The following ARFGEF1 variants were observed in gnomAD, a reference collection of about 807,000 sequenced individuals.
ARFGEF1 encodes ARF guanine nucleotide exchange factor 1, also known as brefeldin A-inhibited guanine nucleotide-exchange protein 1.
In ARFGEF1, 42 loss-of-function variants were observed where a neutral mutation model predicts 231.0. The ratio of observed to expected loss-of-function variants is 0.18; its 90% CI spans 0.14 to 0.24. The LOEUF is 0.24. Among genes scored for constraint, ARFGEF1 ranks in the 10% least tolerant of loss-of-function variants. The pLI is 1.00. For synonymous variants in ARFGEF1, 710 were observed against 732.3 expected, an observed-to-expected ratio of 0.97 and a Z score of 0.49; for missense variants, 1,345 against 2,192.0, an observed-to-expected ratio of 0.61 and a Z score of 7.72.
Position 67,302,714 on chromosome 8 carries a change from G to A in ARFGEF1, c.125-248C>T, listed in dbSNP as rs75999846. ...AAGTTACAGATTATTAATTCCCAAC[G>A]CATTTCCTTTTCTCAAAGCATTTCC... is the stretch of plus-strand genomic sequence containing the variant. On this transcript the variant is annotated intron_variant, in intron 1 of 38. Coordinates refer to ENST00000262215, the MANE Select transcript of ARFGEF1 (RefSeq NM_006421.5). Among the ~76,000 whole-genome samples the A allele has an allele frequency of 2.4e-4, 36 of 152,074 alleles. No individual in the cohort carries two copies. The East Asian group carries it at 3.7e-3, about 15-fold the overall frequency.
Position 67,343,477 on chromosome 8 carries a change from G to C in ARFGEF1, c.-190C>G. 1 of 1,309,194 alleles carries C rather than the reference G, an allele frequency of 7.6e-7. No individual in the cohort carries two copies. Among genetic ancestry groups the C allele is most frequent in the Non-Finnish European group, 9.7e-7 (1 of 1,026,172 alleles). The allele number at this position is 1,309,194 out of a possible 1,614,324, so 81.1% of individuals were successfully genotyped here. A position where few individuals can be genotyped will look rare whatever the true frequency, so the allele number is the denominator to read the frequency against. ...ACCAGCCGCGGTGTCGGCGAAGGGC[G>C]TCGAGGTCCTCGCCGCCCCCAAGAA... On this transcript the variant is annotated 5_prime_UTR_variant, in exon 1 of 39. Coordinates refer to ENST00000262215, the MANE Select transcript of ARFGEF1 (RefSeq NM_006421.5).
At chr8:67,260,006 T>C (rs951630286) in intron 14 of ARFGEF1, 80 bp from the exon 15 acceptor site, 67 of 855,132 alleles carry the variant, frequency 7.8e-5, no homozygotes, top group Non-Finnish European at 1.1e-4. Context: ...CAGTAAATTT[T>C]CTAATAGCAC....
At chr8:67,186,507 A>G (rs1309520444) in intron 5 of ARFGEF1, among the ~76,000 whole-genome samples, 1 of 152,160 alleles carries the variant, frequency 6.6e-6, no homozygotes, top group African/African-American at 2.4e-5. Context: ...ATTTATGGTA[A>G]CTCAGCAAAC....
At chr8:67,283,141 G>A (rs946357398) in intron 7 of ARFGEF1, among the ~76,000 whole-genome samples, 9 of 152,060 alleles carry the variant, frequency 5.9e-5, no homozygotes, top group Non-Finnish European at 8.8e-5. Flanking sequence ...ATAGCCAAAT[G>A]CAAATTAAAA....
downstream of ARFGEF1, chr8:67,193,542 G>C: frequency 6.2e-7 from 1 of 1,613,742 alleles, no homozygotes; most frequent in Non-Finnish European, 8.5e-7. Context: ...TGAGCTTAGA[G>C]TGAGAAATGA....
chr8:67,189,465 TG>T (rs1266440071), intron 5 of ARFGEF1, among the ~76,000 whole-genome samples: 2 of 152,206 alleles, frequency 1.3e-5, no homozygotes, highest in Non-Finnish European at 2.9e-5. Context: ...TGAAAAGGCA[TG>T]GAAGGACCCA....
chr8:67,343,345 G>GAGGAGGAGGAGAGGA lies in ARFGEF1; in HGVS notation c.-73_-59dup. 6.3e-7 allele frequency: 1 copy of GAGGAGGAGGAGAGGA among 1,581,872 alleles called. No individual in the cohort carries two copies. Among genetic ancestry groups the GAGGAGGAGGAGAGGA allele is most frequent in the Non-Finnish European group, 8.6e-7 (1 of 1,161,570 alleles). On this transcript the variant is annotated 5_prime_UTR_variant, in exon 1 of 39. Coordinates refer to ENST00000262215, the MANE Select transcript of ARFGEF1 (RefSeq NM_006421.5). ...CCCGCGGCTCCCAGCGGCTGGAGGG[G>GAGGAGGAGGAGAGGA]AGGAGGAGGAGAGGAAGGAAGAGAA...
chr8:67,228,898 CCTT>C (rs1839468863), intron 23 of ARFGEF1, among the ~76,000 whole-genome samples: 1 of 152,052 alleles, frequency 6.6e-6, no homozygotes, highest in South Asian at 2.1e-4. Flanking sequence ...CATTAGTCCT[CCTT>C]TTTTAAAGTC....
intron 7 of ARFGEF1, among the ~76,000 whole-genome samples, chr8:67,286,014 T>G (rs1054728230): frequency 1.3e-5 from 2 of 152,212 alleles, no homozygotes; most frequent in Non-Finnish European, 2.9e-5. Context: ...AGACACATTT[T>G]GGGAAAACTG....
intron 1 of ARFGEF1, among the ~76,000 whole-genome samples, chr8:67,326,688 A>G (rs985936324): frequency 6.6e-6 from 1 of 152,224 alleles, no homozygotes; most frequent in Non-Finnish European, 1.5e-5. Flanking sequence ...GGAAACTGTG[A>G]TTTTAAGCAA....
intron 27 of ARFGEF1, among the ~76,000 whole-genome samples, chr8:67,226,556 A>C (rs1321442558): frequency 6.6e-6 from 1 of 152,154 alleles, no homozygotes; most frequent in Non-Finnish European, 1.5e-5. Context: ...TACGTAAAAT[A>C]ATATAAGTGA....
chr8:67,277,504 G>T (rs369641912), intron 7 of ARFGEF1, 47 bp from the exon 8 acceptor site: 3 of 1,544,044 alleles, frequency 1.9e-6, no homozygotes, highest in Admixed American at 3.7e-5. Flanking sequence ...TGACTTAACC[G>T]AAGTGTATTT....
chr8:67,188,979 G>A (rs1835450099), intron 5 of ARFGEF1, among the ~76,000 whole-genome samples: 2 of 152,182 alleles, frequency 1.3e-5, no homozygotes, highest in Non-Finnish European at 2.9e-5. Context: ...GAGGCTTGCC[G>A]CCATCTTGGA....
chr8:67,199,886 CAT>C, intron 38 of ARFGEF1: 2 of 217,362 alleles, frequency 9.2e-6, no homozygotes, highest in African/African-American at 2.2e-5. Context: ...TATTTACAGT[CAT>C]ATATGTGTAT....
At position 67,227,214 on chromosome 8, in the gene ARFGEF1, G is replaced by C; in HGVS notation, c.3839C>G (p.Ser1280Cys). The C allele has an allele frequency of 6.2e-7, 1 of 1,612,990 alleles. No homozygotes were observed. The highest frequency in any genetic ancestry group is 8.5e-7 in the Non-Finnish European group (1 of 1,179,238). Residue 1280 changes from serine to cysteine, a missense_variant, in exon 27 of 39, where the codon TCT becomes TGT. Around this residue, in one of 14 missense-constraint regions of ARFGEF1, gnomAD observed 142 missense variants for 227.3 expected, o/e 0.62. Coordinates refer to ENST00000262215, the MANE Select transcript of ARFGEF1 (RefSeq NM_006421.5). ...NIRSGWKNIFSVFHLAASDQD... is the reference protein window; with the variant it reads ...NIRSGWKNIFCVFHLAASDQD... ...ATCAGATGCAGCTAGATGAAATACA[G>C]AGAAAATGTTCTTCCATCCAGATCG... is the stretch of plus-strand genomic sequence containing the variant.
At chr8:67,236,610 G>A (rs1360984703) in intron 22 of ARFGEF1, among the ~76,000 whole-genome samples, 1 of 151,902 alleles carries the variant, frequency 6.6e-6, no homozygotes, top group African/African-American at 2.4e-5. Context: ...CTGCCCAACA[G>A]GGGCCAAGTC....
intron 5 of ARFGEF1, among the ~76,000 whole-genome samples, chr8:67,293,513 A>G (rs1235613781): frequency 6.6e-6 from 1 of 152,318 alleles, no homozygotes; most frequent in East Asian, 1.9e-4. Flanking sequence ...AATTAATGCC[A>G]CTACAGAGGA....
chr8:67,258,471 C>A (rs1313960262), intron 15 of ARFGEF1, among the ~76,000 whole-genome samples, 181 bp from the exon 16 acceptor site: 3 of 151,960 alleles, frequency 2.0e-5, no homozygotes, highest in African/African-American at 7.3e-5. Context: ...ATTAAAGGCG[C>A]CTGCTACTGC....
intron 1 of ARFGEF1, among the ~76,000 whole-genome samples, chr8:67,303,604 C>T (rs1377990636): frequency 6.6e-6 from 1 of 151,998 alleles, no homozygotes; most frequent in Non-Finnish European, 1.5e-5. Flanking sequence ...ACCACAGCTA[C>T]TCGGACGGCT....
Sources: gnomAD v4.1 joint callset for allele counts (sites outside exome capture counted in the v4.1 genomes callset) on GRCh38, gnomAD v4.1.1 for gene constraint, gnomAD v4.1.1 regional missense constraint, MANE v1.5 for transcripts, NCBI Gene and HGNC (gene_info 2026-07-23, HGNC 2026-07-21) for gene names.